The following SLC71A1 variants were observed in gnomAD, a reference collection of about 807,000 sequenced individuals.
SLC71A1 encodes the protein solute carrier family 71 member 1.
chr1:100,080,395 A>C, the SLC71A1 span: 1 of 911,992 alleles, frequency 1.1e-6, no homozygotes, highest in African/African-American at 1.7e-5. Context: ...TCTGATAAGA[A>C]GCTTGATTTT....
the SLC71A1 span, among the ~76,000 whole-genome samples, chr1:100,071,496 CAGTT>C: frequency 2.6e-5 from 4 of 151,908 alleles, no homozygotes; most frequent in Non-Finnish European, 4.4e-5. Flanking sequence ...GGAAAATACA[CAGTT>C]AGTATGTGTA....
chr1:100,050,049 T>A, the SLC71A1 span: 1 of 1,018,672 alleles, frequency 9.8e-7, no homozygotes, highest in Non-Finnish European at 1.5e-6. Flanking sequence ...CAAAATCTCT[T>A]CTTCTTCAGT....
the SLC71A1 span, among the ~76,000 whole-genome samples, chr1:100,044,718 A>G: frequency 6.6e-6 from 1 of 151,940 alleles, no homozygotes; most frequent in Non-Finnish European, 1.5e-5. Flanking sequence ...AGTTTTCTCT[A>G]TGTTGGCCAG....
the SLC71A1 span, among the ~76,000 whole-genome samples, chr1:100,059,056 T>C: frequency 1.3e-4 from 19 of 150,348 alleles, no homozygotes; most frequent in Admixed American, 1.1e-3. Context: ...AGGAAAAAAC[T>C]ATACTAAAAA....
chr1:100,061,683 G>A, the SLC71A1 span: 3 of 615,742 alleles, frequency 4.9e-6, no homozygotes, highest in Non-Finnish European at 8.6e-6. Flanking sequence ...AATATCTGTG[G>A]CTTATATTTA....
the SLC71A1 span, among the ~76,000 whole-genome samples, chr1:100,044,987 C>G: frequency 2.0e-5 from 3 of 152,016 alleles, no homozygotes; most frequent in African/African-American, 7.3e-5. Flanking sequence ...TATGTGGGCT[C>G]TTTTTTGGTT....
chr1:100,038,145 C>G, the SLC71A1 span: 1 of 1,211,718 alleles, frequency 8.3e-7, no homozygotes, highest in Non-Finnish European at 1.2e-6. Context: ...AGCGGCTCGG[C>G]CCGGCAGTAG....
At chr1:100,076,852 G>T in the SLC71A1 span, among the ~76,000 whole-genome samples, 3 of 152,156 alleles carry the variant, frequency 2.0e-5, no homozygotes, top group Non-Finnish European at 2.9e-5. Context: ...ATGTAATGGG[G>T]ATCTCCAAAT....
At chr1:100,071,289 C>CAAAAAAAAAAAAAAAAAAAA in the SLC71A1 span, among the ~76,000 whole-genome samples, 50 of 53,384 alleles carry the variant, frequency 9.4e-4, no homozygotes, top group Non-Finnish European at 1.5e-3. Flanking sequence ...CCATCTCTAC[C>CAAAAAAAAAAAAAAAAAAAA]AAAAAAAAAA....
chr1:100,071,389 T>G, the SLC71A1 span, among the ~76,000 whole-genome samples: 2 of 151,458 alleles, frequency 1.3e-5, no homozygotes, highest in Non-Finnish European at 2.9e-5. Flanking sequence ...GAGGATTGCT[T>G]GATCCTGGGA....
the SLC71A1 span, among the ~76,000 whole-genome samples, chr1:100,047,948 A>G: frequency 6.6e-6 from 1 of 152,328 alleles, no homozygotes; most frequent in African/African-American, 2.4e-5. Context: ...ATAGTAAACA[A>G]TGTGATATCA....
chr1:100,063,079 G>T, the SLC71A1 span, among the ~76,000 whole-genome samples: 1 of 152,092 alleles, frequency 6.6e-6, no homozygotes, highest in Non-Finnish European at 1.5e-5. Context: ...TATGAGTATA[G>T]TTCAGTGAAT....
chr1:100,058,760 TATAC>T, the SLC71A1 span: 35 of 1,147,928 alleles, frequency 3.0e-5, no homozygotes, highest in East Asian at 2.4e-5. Flanking sequence ...TATGTGTATA[TATAC>T]ATACATACAC....
chr1:100,051,861 G>A, the SLC71A1 span, among the ~76,000 whole-genome samples: 3 of 152,182 alleles, frequency 2.0e-5, no homozygotes, highest in East Asian at 5.8e-4. Context: ...ACTATGTTAA[G>A]CACAGTCCTA....
the SLC71A1 span, chr1:100,082,329 T>C: frequency 1.3e-6 from 1 of 751,604 alleles, no homozygotes; most frequent in Non-Finnish European, 2.2e-6. Flanking sequence ...GAAATGTATC[T>C]GCATGAACTC....
the SLC71A1 span, among the ~76,000 whole-genome samples, chr1:100,062,457 C>T: frequency 7.9e-5 from 12 of 152,128 alleles, no homozygotes; most frequent in East Asian, 5.8e-4. Context: ...AGTGGTAGGT[C>T]GCCAACTCCT....
chr1:100,067,129 C>T, the SLC71A1 span, among the ~76,000 whole-genome samples: 1 of 152,132 alleles, frequency 6.6e-6, no homozygotes, highest in Non-Finnish European at 1.5e-5. Flanking sequence ...TGAACCATCA[C>T]ACCCAGTCTT....
At chr1:100,058,774 C>T in the SLC71A1 span, 1 of 956,214 alleles carries the variant, frequency 1.0e-6, no homozygotes, top group Non-Finnish European at 1.7e-6. Context: ...CATACATACA[C>T]ATACACGCAC....
At chr1:100,073,394 C>T in the SLC71A1 span, among the ~76,000 whole-genome samples, 2 of 152,264 alleles carry the variant, frequency 1.3e-5, no homozygotes, top group Admixed American at 6.5e-5. Flanking sequence ...TGTCATTTTC[C>T]TCCACTCTCC....
Sources: allele counts gnomAD v4.1 joint callset (sites outside exome capture counted in the v4.1 genomes callset), GRCh38; gene constraint gnomAD v4.1.1; transcripts MANE v1.5; gene names NCBI Gene and HGNC (gene_info 2026-07-23, HGNC 2026-07-21).